The following PEPD variants were observed in gnomAD, a reference collection of about 807,000 sequenced individuals.
PEPD encodes the protein xaa-Pro dipeptidase.
A neutral mutation model predicts 60.7 loss-of-function variants in PEPD; 53 were observed. The ratio of observed to expected loss-of-function variants is 0.87; its 90% CI spans 0.70 to 1.10. PEPD has a LOEUF of 1.10. PEPD is among the 50% of genes least tolerant of loss of function. The pLI is 0.00. For missense variants in PEPD, 711 were observed against 711.9 expected (o/e 1.00, Z 0.01); for synonymous variants, 267 against 284.1 (o/e 0.94, Z 0.60).
intron 8 of PEPD, 22 bp downstream of exon 8, chr19:33,463,965 C>T (rs1762329567): frequency 1.3e-6 from 2 of 1,557,316 alleles, no homozygotes; most frequent in Non-Finnish European, 8.8e-7. Context: ...CCCCACTCAA[C>T]CAGAGCCGGT....
At chr19:33,433,639 T>C (rs1357951348) in intron 9 of PEPD, among the ~76,000 whole-genome samples, 1 of 152,246 alleles carries the variant, frequency 6.6e-6, no homozygotes. Flanking sequence ...TTGCTTCTAA[T>C]AGACTCGATA....
intron 9 of PEPD, among the ~76,000 whole-genome samples, chr19:33,455,075 G>A (rs930886779): frequency 4.6e-5 from 7 of 152,222 alleles, no homozygotes; most frequent in Non-Finnish European, 7.3e-5. Flanking sequence ...ACAATGGAAC[G>A]TGATATGGTC....
chr19:33,462,020 C>T (rs1969934694), intron 9 of PEPD, among the ~76,000 whole-genome samples: 1 of 152,224 alleles, frequency 6.6e-6, no homozygotes. Context: ...CTAAGCACAG[C>T]CACAGCGAAC....
chr19:33,515,569 G>A (rs554448544), intron 1 of PEPD, among the ~76,000 whole-genome samples: 5 of 151,398 alleles, frequency 3.3e-5, no homozygotes, highest in East Asian at 1.9e-4. Flanking sequence ...GGCCTCCCAC[G>A]CCCTTTCCCT....
chr19:33,488,207 G>A (rs1970432895), intron 6 of PEPD, among the ~76,000 whole-genome samples: 1 of 152,162 alleles, frequency 6.6e-6, no homozygotes, highest in African/African-American at 2.4e-5. Flanking sequence ...CGCAGATGGG[G>A]AGACTGAGGC....
intron 9 of PEPD, among the ~76,000 whole-genome samples, chr19:33,426,992 G>A (rs370861060): frequency 3.3e-5 from 5 of 152,230 alleles, no homozygotes; most frequent in South Asian, 4.1e-4. Flanking sequence ...TTATGGCAGC[G>A]AACCGGCTGT....
In PEPD at chr19:33,387,026, T is replaced by C. The variant is rs1420218375; in HGVS notation, c.*318A>G. On this transcript the variant is annotated 3_prime_UTR_variant, in exon 15 of 15. Coordinates refer to ENST00000244137, the MANE Select transcript of PEPD (RefSeq NM_000285.4). ...TGACAGAAAGTATCAGAAATGCTTC[T>C]TTCCTGGGAAAAGGAATATAAATGA... 2 of 386,552 alleles carry C rather than the reference T, an allele frequency of 5.2e-6. No homozygotes were observed. Among genetic ancestry groups the C allele is most frequent in the East Asian group, 9.5e-5 (2 of 21,018 alleles). The allele number at this position is 386,552 out of a possible 1,614,324, so 23.9% of individuals were successfully genotyped here. A position where few individuals can be genotyped will look rare whatever the true frequency, so the allele number is the denominator to read the frequency against.
chr19:33,444,285 G>C (rs1245234082), intron 9 of PEPD, among the ~76,000 whole-genome samples: 1 of 152,040 alleles, frequency 6.6e-6, no homozygotes, highest in Non-Finnish European at 1.5e-5. Context: ...AAAGCGCAGC[G>C]CCAGCACCCT....
intron 3 of PEPD, among the ~76,000 whole-genome samples, chr19:33,510,303 G>A (rs186304293): frequency 6.6e-6 from 1 of 152,136 alleles, no homozygotes. Context: ...GAGTTTAATA[G>A]GCAAGAAGGA....
At chr19:33,486,543 T>A (rs1970400151) in intron 6 of PEPD, among the ~76,000 whole-genome samples, 1 of 152,016 alleles carries the variant, frequency 6.6e-6, no homozygotes, top group Non-Finnish European at 1.5e-5. Context: ...GCCGTGTGCA[T>A]GCCCACCACC....
chr19:33,395,737 G>A (rs1334423382), intron 12 of PEPD, among the ~76,000 whole-genome samples: 1 of 152,238 alleles, frequency 6.6e-6, no homozygotes, highest in Non-Finnish European at 1.5e-5. Context: ...TACAAAGGCA[G>A]CATCCTCAGA....
chr19:33,409,806 G>A (rs1011215615), intron 11 of PEPD, among the ~76,000 whole-genome samples: 2 of 152,208 alleles, frequency 1.3e-5, no homozygotes, highest in Non-Finnish European at 2.9e-5. Context: ...CTTTCCCCAA[G>A]TGCCTCTGGC....
rs765794424 is a variant in PEPD, at chr19:33,511,160, G to A, written c.202-5C>T. On this transcript the variant is annotated splice_region_variant and splice_polypyrimidine_tract_variant and intron_variant, in intron 2 of 14. Transcript: ENST00000244137. ...CGCCCAGTGAAAGAAGGACTCCTGT[G>A]GCGGGAACAAGAACTATTGTTAGCC... The A allele has an allele frequency of 4.9e-5, 79 of 1,613,932 alleles. No individual in the cohort carries two copies. The South Asian group carries it at 7.2e-4, about 15-fold the overall frequency.
chr19:33,521,680 C>T (rs1227525097), intron 1 of PEPD, 64 bp downstream of exon 1: 13 of 1,522,242 alleles, frequency 8.5e-6, no homozygotes, highest in African/African-American at 1.4e-5. Flanking sequence ...ACCCGCGGTC[C>T]GGCCGGGACA....
intron 7 of PEPD, among the ~76,000 whole-genome samples, chr19:33,473,799 C>T (rs1003629515): frequency 6.6e-6 from 1 of 152,208 alleles, no homozygotes; most frequent in African/African-American, 2.4e-5. Flanking sequence ...TCAAACTGCA[C>T]TACCCAGCAC....
intron 9 of PEPD, among the ~76,000 whole-genome samples, chr19:33,439,936 T>G (rs1437011726): frequency 6.6e-6 from 1 of 152,168 alleles, no homozygotes; most frequent in Non-Finnish European, 1.5e-5. Context: ...CAGGCTGGGC[T>G]CGAACCCCCG....
intron 9 of PEPD, among the ~76,000 whole-genome samples, chr19:33,417,421 C>T (rs928704314): frequency 1.3e-5 from 2 of 152,178 alleles, no homozygotes; most frequent in Non-Finnish European, 2.9e-5. Context: ...GTGTTCCGCA[C>T]CCCGGTCCCT....
intron 9 of PEPD, among the ~76,000 whole-genome samples, chr19:33,450,167 CT>C (rs1969669877): frequency 6.6e-6 from 1 of 152,194 alleles, no homozygotes; most frequent in African/African-American, 2.4e-5. Flanking sequence ...ACTTTATGGC[CT>C]GAGTTGCTCG....
At chr19:33,391,146 A>G in intron 13 of PEPD, 149 bp downstream of exon 13, 1 of 718,362 alleles carries the variant, frequency 1.4e-6, no homozygotes, top group Non-Finnish European at 2.5e-6. Context: ...CCCCCTCCTC[A>G]TGGCCTCCGT....
Sources: gnomAD v4.1 joint callset for allele counts (sites outside exome capture counted in the v4.1 genomes callset) on GRCh38, gnomAD v4.1.1 for gene constraint, MANE v1.5 for transcripts, NCBI Gene and HGNC (gene_info 2026-07-23, HGNC 2026-07-21) for gene names.